COG5: variants seen among roughly 807,000 people sequenced by gnomAD.
The protein encoded by COG5 is conserved oligomeric Golgi complex subunit 5.
A neutral mutation model predicts 110.4 loss-of-function variants in COG5; 86 were observed. That is an observed-to-expected ratio of 0.78 (90% CI 0.65 to 0.93). COG5 has a LOEUF of 0.93. Ranked by LOEUF, COG5 falls within the 40% of genes least tolerant of loss-of-function variation. The pLI is 0.00. For missense variants in COG5, 1,077 were observed against 987.0 expected, an observed-to-expected ratio of 1.09 and a Z score of -1.22; for synonymous variants, 360 against 334.6, an observed-to-expected ratio of 1.08 and a Z score of -0.83.
At chr7:107,414,149 T>C (rs1337664966) in intron 6 of COG5, among the ~76,000 whole-genome samples, 1 of 152,218 alleles carries the variant, frequency 6.6e-6, no homozygotes, top group Non-Finnish European at 1.5e-5. Context: ...ACAATGAAAG[T>C]ATTAAATAAC....
chr7:107,434,712 T>C (rs1241570646), intron 6 of COG5, among the ~76,000 whole-genome samples: 7 of 152,228 alleles, frequency 4.6e-5, no homozygotes, highest in Non-Finnish European at 1.0e-4. Context: ...GGCTCACGCC[T>C]GTAATCCCAG....
chr7:107,229,046 A>G (rs1800574777), intron 19 of COG5, among the ~76,000 whole-genome samples: 1 of 151,700 alleles, frequency 6.6e-6, no homozygotes, highest in Admixed American at 6.6e-5. Flanking sequence ...ACCATTATGC[A>G]CTTGGATATT....
intron 10 of COG5, among the ~76,000 whole-genome samples, chr7:107,347,514 T>C (rs937892835): frequency 1.3e-5 from 2 of 152,218 alleles, no homozygotes; most frequent in Non-Finnish European, 1.5e-5. Flanking sequence ...TAGAAATGAA[T>C]TGCTCTCAAA....
chr7:107,274,255 G>C (rs1382443992), intron 14 of COG5, among the ~76,000 whole-genome samples: 1 of 152,134 alleles, frequency 6.6e-6, no homozygotes, highest in Non-Finnish European at 1.5e-5. Context: ...GGTTGCACCT[G>C]TGAATACGCC....
chr7:107,307,923 T>C (rs1437026733), intron 11 of COG5, among the ~76,000 whole-genome samples: 2 of 151,998 alleles, frequency 1.3e-5, no homozygotes, highest in East Asian at 3.9e-4. Flanking sequence ...AAAATAAAAA[T>C]TACACAAAAA....
intron 12 of COG5, among the ~76,000 whole-genome samples, chr7:107,288,436 A>G (rs1453123067): frequency 1.3e-4 from 20 of 152,180 alleles, no homozygotes; most frequent in Admixed American, 1.3e-3. Context: ...CCAGCAACAT[A>G]TGAGGATAGT....
chr7:107,349,317 G>A (rs1562981791), intron 10 of COG5, among the ~76,000 whole-genome samples: 1 of 152,032 alleles, frequency 6.6e-6, no homozygotes, highest in African/African-American at 2.4e-5. Context: ...CCACTAGCTA[G>A]AACAATGTTA....
At chr7:107,536,051 A>G (rs1801562431) in intron 5 of COG5, among the ~76,000 whole-genome samples, 3 of 152,234 alleles carry the variant, frequency 2.0e-5, no homozygotes, top group African/African-American at 4.8e-5. Context: ...ACCAATGACA[A>G]AAACCACATG....
chr7:107,255,358 G>C (rs1329763927), intron 16 of COG5, among the ~76,000 whole-genome samples: 1 of 151,986 alleles, frequency 6.6e-6, no homozygotes, highest in East Asian at 1.9e-4. Flanking sequence ...AATACACTGG[G>C]GGAAAATAGA....
chr7:107,491,119 G>A (rs1300344681), intron 6 of COG5, among the ~76,000 whole-genome samples: 1 of 152,036 alleles, frequency 6.6e-6, no homozygotes, highest in East Asian at 1.9e-4. Flanking sequence ...TAAATCAATA[G>A]ATTAGGTGGC....
chr7:107,251,544 A>G (rs7793748), intron 16 of COG5, among the ~76,000 whole-genome samples: 10 of 152,204 alleles, frequency 6.6e-5, no homozygotes, highest in Non-Finnish European at 1.2e-4. Context: ...TCAGAATTAA[A>G]TTAGAAATCA....
Position 107,532,195 on chromosome 7 carries a change from T to TA in COG5, c.418-4839dup, listed in dbSNP as rs1202030476. 5.9e-5 allele frequency among the ~76,000 whole-genome samples: 9 copies of TA among 152,324 alleles called. No homozygotes were observed. In the East Asian group the frequency reaches 1.7e-3, roughly 29 times the overall value. ...CCTCAGCCACCTGAGTAGCTGGGAT[T>TA]ACATGTGTCTGCCACCATGCCTGAC... On this transcript the variant is annotated intron_variant, in intron 5 of 21. Coordinates refer to ENST00000297135, the MANE Select transcript of COG5 (RefSeq NM_006348.5).
chr7:107,546,943 T>A (rs192228898), intron 5 of COG5, among the ~76,000 whole-genome samples: 1 of 152,110 alleles, frequency 6.6e-6, no homozygotes, highest in South Asian at 2.1e-4. Flanking sequence ...AATTCTACCA[T>A]ACATTTAAAG....
intron 16 of COG5, among the ~76,000 whole-genome samples, chr7:107,252,657 A>C (rs1221409090): frequency 2.0e-5 from 3 of 152,186 alleles, no homozygotes; most frequent in Non-Finnish European, 4.4e-5. Flanking sequence ...CTTAACAAAA[A>C]TTAAGTAAAT....
intron 16 of COG5, among the ~76,000 whole-genome samples, chr7:107,255,931 A>AT (rs1802847904): frequency 6.6e-6 from 1 of 152,156 alleles, no homozygotes; most frequent in African/African-American, 2.4e-5. Context: ...TGAGGTCTGC[A>AT]TTTACCAGCG....
intron 6 of COG5, chr7:107,480,722 T>C (rs1216784890): frequency 6.6e-6 from 1 of 151,716 alleles, no homozygotes; most frequent in Non-Finnish European, 1.5e-5. Context: ...CAACAAACAA[T>C]GCATCATAAC....
intron 6 of COG5, chr7:107,470,422 G>A (rs1343518421): frequency 2.6e-5 from 4 of 152,116 alleles, no homozygotes; most frequent in Non-Finnish European, 5.9e-5. Flanking sequence ...ACTACATCAA[G>A]AATTTATCAA....
intron 5 of COG5, among the ~76,000 whole-genome samples, chr7:107,532,812 T>C (rs1801307727): frequency 6.6e-6 from 1 of 152,212 alleles, no homozygotes; most frequent in African/African-American, 2.4e-5. Context: ...CAGTCAAAAG[T>C]ATGATGGCAG....
At chr7:107,506,541 C>T (rs771730555) in intron 6 of COG5, among the ~76,000 whole-genome samples, 4 of 152,162 alleles carry the variant, frequency 2.6e-5, no homozygotes, top group Non-Finnish European at 4.4e-5. Context: ...CTCTGCTGCA[C>T]AGAGAATTGT....
Sources: gnomAD v4.1 joint callset for allele counts (sites outside exome capture counted in the v4.1 genomes callset) on GRCh38, gnomAD v4.1.1 for gene constraint, MANE v1.5 for transcripts, NCBI Gene and HGNC (gene_info 2026-07-23, HGNC 2026-07-21) for gene names.